PARVA: variants seen among roughly 807,000 people sequenced by gnomAD.
PARVA encodes alpha-parvin.
A neutral mutation model predicts 52.6 loss-of-function variants in PARVA; 25 were observed. That is an observed-to-expected ratio of 0.48 (90% CI 0.35 to 0.66). The LOEUF (loss-of-function observed/expected upper bound fraction) is 0.66. PARVA is among the 30% of genes least tolerant of loss of function. PARVA has a pLI of 0.01. For missense variants in PARVA, 373 were observed against 450.9 expected (o/e 0.83, Z 1.56); for synonymous variants, 185 against 179.1 (o/e 1.03, Z -0.26).
intron 1 of PARVA, among the ~76,000 whole-genome samples, chr11:12,430,849 C>T (rs572696605): frequency 2.6e-5 from 4 of 152,262 alleles, no homozygotes; most frequent in South Asian, 4.1e-4. Flanking sequence ...CTTGACAGGG[C>T]GGAGAAGTCT....
At chr11:12,468,966 T>A (rs1240536966) in intron 1 of PARVA, among the ~76,000 whole-genome samples, 1 of 152,100 alleles carries the variant, frequency 6.6e-6, no homozygotes, top group Non-Finnish European at 1.5e-5. Flanking sequence ...GCTACAGGGA[T>A]CAAGATCATC....
At chr11:12,505,943 T>A (rs1391062550) in intron 6 of PARVA, among the ~76,000 whole-genome samples, 2 of 152,368 alleles carry the variant, frequency 1.3e-5, no homozygotes, top group East Asian at 3.9e-4. Context: ...TCAAAATCCA[T>A]AGAATGGACA....
intron 4 of PARVA, 164 bp downstream of exon 4, chr11:12,478,113 C>G: frequency 1.4e-6 from 1 of 701,344 alleles, no homozygotes; most frequent in Non-Finnish European, 2.6e-6. Flanking sequence ...TTTAGATGTC[C>G]TCTTGGAATG....
At chr11:12,486,060 T>C (rs1301631553) in intron 4 of PARVA, among the ~76,000 whole-genome samples, 1 of 152,038 alleles carries the variant, frequency 6.6e-6, no homozygotes, top group Non-Finnish European at 1.5e-5. Flanking sequence ...TGAATCCAGA[T>C]AAGATATAGA....
intron 1 of PARVA, among the ~76,000 whole-genome samples, chr11:12,446,419 C>T (rs183264344): frequency 4.8e-4 from 73 of 152,136 alleles, no homozygotes; most frequent in African/African-American, 1.7e-3. Context: ...TTTTTCCTTC[C>T]TAGAGAACAG....
At chr11:12,512,182 G>T (rs1351183617) in intron 8 of PARVA, among the ~76,000 whole-genome samples, 1 of 152,180 alleles carries the variant, frequency 6.6e-6, no homozygotes, top group East Asian at 1.9e-4. Context: ...TGGGTCCTGG[G>T]CATTTTCAGG....
At chr11:12,511,632 G>A in intron 8 of PARVA, 99 bp downstream of exon 8, 1 of 1,278,774 alleles carries the variant, frequency 7.8e-7, no homozygotes, top group Non-Finnish European at 1.1e-6. Context: ...CTTGTCACCT[G>A]GATATACGTC....
chr11:12,479,640 T>G (rs1564857880), intron 4 of PARVA: 1 of 152,232 alleles, frequency 6.6e-6, no homozygotes, highest in Non-Finnish European at 1.5e-5. Flanking sequence ...TACTTTTTTT[T>G]GTGTTCCTCC....
At chr11:12,377,429 G>A, upstream of PARVA, 1 of 1,374,046 alleles carries the variant, frequency 7.3e-7, no homozygotes, top group African/African-American at 1.5e-5. Context: ...CGCAAGGCGC[G>A]GCCCCGGGAG....
At chr11:12,459,716 A>G (rs1324943595) in intron 1 of PARVA, among the ~76,000 whole-genome samples, 1 of 152,258 alleles carries the variant, frequency 6.6e-6, no homozygotes, top group African/African-American at 2.4e-5. Context: ...ATGACATGAA[A>G]AAAGCAGGCT....
intron 5 of PARVA, 79 bp downstream of exon 5, chr11:12,496,677 A>T (rs1216920687): frequency 1.4e-6 from 2 of 1,456,204 alleles, no homozygotes; most frequent in Non-Finnish European, 1.9e-6. Context: ...GAAGCCATCC[A>T]TAAGCTTGGC....
intron 6 of PARVA, among the ~76,000 whole-genome samples, chr11:12,504,885 G>A (rs924186492): frequency 3.3e-5 from 5 of 151,948 alleles, no homozygotes; most frequent in African/African-American, 1.2e-4. Context: ...TGGGGAGAAC[G>A]ATATCTGTGC....
At chr11:12,470,551 C>T (rs2135032778) in intron 1 of PARVA, among the ~76,000 whole-genome samples, 1 of 152,318 alleles carries the variant, frequency 6.6e-6, no homozygotes, top group East Asian at 1.9e-4. Flanking sequence ...ACTGTGCCCT[C>T]TGGCCTCATG....
intron 3 of PARVA, among the ~76,000 whole-genome samples, chr11:12,475,022 C>A (rs567698391): frequency 2.0e-5 from 3 of 152,148 alleles, no homozygotes; most frequent in Admixed American, 2.0e-4. Flanking sequence ...ATACACGGTT[C>A]CCCTGTGCAA....
Position 12,528,101 on chromosome 11 carries a change from G to A in PARVA, c.*176G>A. ...TAGGAAGGAAATCATCAATAACTCA[G>A]TGGGCTGACCCATCCCTCCCAGGCG... On this transcript the variant is annotated 3_prime_UTR_variant, in exon 13 of 13. Coordinates refer to ENST00000334956, the MANE Select transcript of PARVA (RefSeq NM_018222.5). The A allele has an allele frequency of 3.2e-6, 2 of 630,370 alleles. No homozygotes were observed. The highest frequency in any genetic ancestry group is 5.8e-6 in the Non-Finnish European group (2 of 347,578). The allele number at this position is 630,370 out of a possible 1,614,324, so 39.0% of individuals were successfully genotyped here.
intron 5 of PARVA, among the ~76,000 whole-genome samples, chr11:12,498,802 C>T (rs1941331087): frequency 6.6e-6 from 1 of 151,820 alleles, no homozygotes; most frequent in Non-Finnish European, 1.5e-5. Flanking sequence ...AAAGTCCTGA[C>T]TTCAGGTGAT....
chr11:12,424,307 T>C (rs572265265), intron 1 of PARVA, among the ~76,000 whole-genome samples: 59 of 152,154 alleles, frequency 3.9e-4, no homozygotes, highest in Non-Finnish European at 7.5e-4. Flanking sequence ...ACAAGTGATA[T>C]GTCCATTTCC....
intron 1 of PARVA, among the ~76,000 whole-genome samples, chr11:12,409,756 T>C (rs1939967517): frequency 6.6e-6 from 1 of 152,230 alleles, no homozygotes; most frequent in Non-Finnish European, 1.5e-5. Context: ...ACCTCCAGAA[T>C]TGTGAAATAA....
At chr11:12,460,761 G>C (rs879609378) in intron 1 of PARVA, among the ~76,000 whole-genome samples, 22 of 152,162 alleles carry the variant, frequency 1.4e-4, no homozygotes, top group Non-Finnish European at 2.6e-4. Context: ...TCATAAATAA[G>C]AAGGATATAG....
Sources: allele counts gnomAD v4.1 joint callset (sites outside exome capture counted in the v4.1 genomes callset), GRCh38; gene constraint gnomAD v4.1.1; transcripts MANE v1.5; gene names NCBI Gene and HGNC (gene_info 2026-07-23, HGNC 2026-07-21).